DPYD: variants seen among roughly 807,000 people sequenced by gnomAD.
The protein encoded by DPYD is dihydropyrimidine dehydrogenase.
Under a neutral mutation model 116.2 loss-of-function variants are expected in DPYD, and 109 were observed. The observed-to-expected ratio is 0.94, with a 90% confidence interval of 0.80 to 1.10. DPYD has a LOEUF of 1.10. DPYD is among the 50% of genes least tolerant of loss of function. The pLI is 0.00. For synonymous variants in DPYD, 440 were observed against 432.0 expected (o/e 1.02, Z -0.23); for missense variants, 1,302 against 1,254.5 (o/e 1.04, Z -0.57).
At chr1:97,572,558 TAG>T (rs1553197602) in intron 11 of DPYD, among the ~76,000 whole-genome samples, 3 of 152,000 alleles carry the variant, frequency 2.0e-5, no homozygotes, top group Non-Finnish European at 4.4e-5. Flanking sequence ...GTGATGTACA[TAG>T]TATTTAATAG....
chr1:97,120,479 G>T (rs1316058398), intron 20 of DPYD, among the ~76,000 whole-genome samples: 1 of 152,036 alleles, frequency 6.6e-6, no homozygotes, highest in African/African-American at 2.4e-5. Context: ...GAGCCTCATC[G>T]CCAGTAATAA....
intron 16 of DPYD, among the ~76,000 whole-genome samples, chr1:97,335,670 G>T (rs1669250992): frequency 6.6e-6 from 1 of 152,076 alleles, no homozygotes; most frequent in Non-Finnish European, 1.5e-5. Flanking sequence ...GGTCCCCATA[G>T]CCCTCTGCAT....
intron 1 of DPYD, among the ~76,000 whole-genome samples, chr1:97,918,034 GTT>G (rs1416675551): frequency 1.3e-5 from 2 of 152,110 alleles, no homozygotes; most frequent in Non-Finnish European, 2.9e-5. Flanking sequence ...TCCCAGGAGA[GTT>G]TGTATTAAAG....
rs140403203 is a variant in DPYD at position 97,384,264 on chromosome 1, T to C, written c.1906-1803A>G. 3.3e-4 allele frequency among the ~76,000 whole-genome samples: 48 copies of C among 145,116 alleles called. No homozygotes were observed. The East Asian group carries it at 9.2e-3, about 28-fold the overall frequency. On this transcript the variant is annotated intron_variant, in intron 14 of 22. Transcript: ENST00000370192. ...ACTTTGAGAAAAAAAAAAAAAAAGA[T>C]ATGCTGTAAAAGTCAGATAAACGTT...
intron 11 of DPYD, among the ~76,000 whole-genome samples, chr1:97,553,374 A>C (rs1435501092): frequency 6.6e-6 from 1 of 151,982 alleles, no homozygotes; most frequent in Non-Finnish European, 1.5e-5. Flanking sequence ...ATTTCTCAGA[A>C]AGGAATTCAT....
chr1:97,655,945 T>C (rs1290770359), intron 8 of DPYD, among the ~76,000 whole-genome samples: 1 of 152,222 alleles, frequency 6.6e-6, no homozygotes, highest in Non-Finnish European at 1.5e-5. Flanking sequence ...CTTTACTTTT[T>C]ACTTTTTAAT....
At chr1:97,607,691 G>C (rs1655688009) in intron 8 of DPYD, among the ~76,000 whole-genome samples, 1 of 151,742 alleles carries the variant, frequency 6.6e-6, no homozygotes, top group African/African-American at 2.4e-5. Flanking sequence ...GTCAGGAGGA[G>C]GGGTAGGAAA....
At chr1:97,733,921 T>C (rs1432705411) in intron 4 of DPYD, among the ~76,000 whole-genome samples, 4 of 152,024 alleles carry the variant, frequency 2.6e-5, no homozygotes, top group Non-Finnish European at 5.9e-5. Context: ...TTTAATATGA[T>C]TAATAGTCAC....
intron 19 of DPYD, among the ~76,000 whole-genome samples, chr1:97,194,218 G>A (rs1408652578): frequency 2.6e-5 from 4 of 152,104 alleles, no homozygotes; most frequent in African/African-American, 2.4e-5. Context: ...TAATCCCCAC[G>A]TGCAGTAGGA....
intron 10 of DPYD, among the ~76,000 whole-genome samples, chr1:97,588,296 G>A (rs145042297): frequency 3.9e-5 from 6 of 152,228 alleles, no homozygotes; most frequent in East Asian, 1.9e-4. Context: ...AAGATCAATC[G>A]TGTTTTGCTC....
intron 8 of DPYD, among the ~76,000 whole-genome samples, chr1:97,613,061 G>A (rs1656049070): frequency 6.6e-6 from 1 of 151,786 alleles, no homozygotes; most frequent in Admixed American, 6.6e-5. Flanking sequence ...AACCAAGTTG[G>A]GCAGACATGT....
At chr1:97,700,351 T>C (rs1249004798) in intron 5 of DPYD, 2 of 448,886 alleles carry the variant, frequency 4.5e-6, no homozygotes, top group Admixed American at 2.4e-5. Flanking sequence ...TTAAAGTGCA[T>C]ATGACAAAAA....
At chr1:97,915,154 A>G (rs559496652) in intron 1 of DPYD, among the ~76,000 whole-genome samples, 6 of 152,170 alleles carry the variant, frequency 3.9e-5, no homozygotes, top group Non-Finnish European at 7.4e-5. Flanking sequence ...AATTCAATTC[A>G]CAGAAGAAGA....
intron 3 of DPYD, among the ~76,000 whole-genome samples, chr1:97,745,399 C>G (rs1446255184): frequency 2.0e-5 from 3 of 151,994 alleles, no homozygotes; most frequent in Non-Finnish European, 2.9e-5. Context: ...TCCTTTTGCA[C>G]ATGGGTGCTT....
chr1:97,629,620 A>G (rs912777512), intron 8 of DPYD, among the ~76,000 whole-genome samples: 2 of 152,000 alleles, frequency 1.3e-5, no homozygotes, highest in Non-Finnish European at 2.9e-5. Context: ...AGTTAACTCA[A>G]AGGTCCCTCC....
chr1:97,219,911 C>T (rs1660670802), intron 19 of DPYD, among the ~76,000 whole-genome samples: 1 of 152,158 alleles, frequency 6.6e-6, no homozygotes, highest in African/African-American at 2.4e-5. Flanking sequence ...TCCTATCATT[C>T]TCACCTCTGT....
Position 97,611,970 on chromosome 1 carries a change from C to T in DPYD, c.851-16804G>A, listed in dbSNP as rs1322677411. On this transcript the variant is annotated intron_variant, in intron 8 of 22. Coordinates refer to ENST00000370192, the MANE Select transcript of DPYD (RefSeq NM_000110.4). ...CAAGGACTGCGTTAGGAAATATTCT[C>T]ATAACTTTATTGTTAACATAACCTT... Among the ~76,000 whole-genome samples, 4 of 152,060 alleles carry T rather than the reference C, an allele frequency of 2.6e-5. No individual in the cohort carries two copies. In the East Asian group the frequency reaches 7.7e-4, roughly 29 times the overall value.
intron 20 of DPYD, among the ~76,000 whole-genome samples, chr1:97,173,202 GTACATATA>G (rs1656872252): frequency 1.4e-5 from 2 of 142,174 alleles, no homozygotes; most frequent in African/African-American, 5.1e-5. Context: ...GTATATATGT[GTACATATA>G]TACACATATA....
intron 14 of DPYD, among the ~76,000 whole-genome samples, chr1:97,421,684 G>A (rs898656643): frequency 2.6e-5 from 4 of 152,130 alleles, no homozygotes; most frequent in African/African-American, 4.8e-5. Flanking sequence ...TGAGACACAG[G>A]CACCCTGTCT....
Sources: gnomAD v4.1 joint callset for allele counts (sites outside exome capture counted in the v4.1 genomes callset) on GRCh38, gnomAD v4.1.1 for gene constraint, MANE v1.5 for transcripts, NCBI Gene and HGNC (gene_info 2026-07-23, HGNC 2026-07-21) for gene names.